Variants in NSD2 observed in about 807,000 individuals in gnomAD.
The protein encoded by NSD2 is nuclear receptor binding SET domain protein 2.
NSD2 carries 12 observed loss-of-function variants against 139.0 expected under a neutral mutation model. The ratio of observed to expected loss-of-function variants is 0.09; its 90% confidence interval spans 0.06 to 0.14. NSD2 has a LOEUF of 0.14. Among genes scored for constraint, NSD2 ranks in the 10% least tolerant of loss-of-function variants. The pLI, the probability that NSD2 is intolerant of heterozygous loss-of-function variation, is 1.00. For missense variants in NSD2, 1,155 were observed against 1,745.0 expected (o/e 0.66, Z 6.02); for synonymous variants, 669 against 648.7 (o/e 1.03, Z -0.48).
At chr4:1,954,237 A>T (rs1724582940) in intron 12 of NSD2, among the ~76,000 whole-genome samples, 1 of 152,052 alleles carries the variant, frequency 6.6e-6, no homozygotes. Context: ...CACCCGCCTC[A>T]GCCTCCCAAA....
At chr4:1,928,291 G>C (rs922607495) in intron 5 of NSD2, among the ~76,000 whole-genome samples, 2 of 152,104 alleles carry the variant, frequency 1.3e-5, no homozygotes, top group Admixed American at 6.6e-5. Flanking sequence ...TTGTACAAAA[G>C]TATATCTAGT....
At chr4:1,912,792 C>G (rs538930147) in intron 3 of NSD2, among the ~76,000 whole-genome samples, 24 of 152,090 alleles carry the variant, frequency 1.6e-4, no homozygotes, top group African/African-American at 5.8e-4. Flanking sequence ...CTTCCTTTTT[C>G]CTGCTTGATT....
intron 9 of NSD2, among the ~76,000 whole-genome samples, chr4:1,949,461 C>G (rs1723981439): frequency 1.3e-5 from 2 of 152,178 alleles, no homozygotes; most frequent in South Asian, 4.1e-4. Context: ...CGACGGAAGC[C>G]CTTGGAAAAA....
chr4:1,946,817 C>T, intron 9 of NSD2: 2 of 1,055,544 alleles, frequency 1.9e-6, no homozygotes, highest in South Asian at 4.6e-5. Flanking sequence ...ATTCTTACAG[C>T]AGGGTGTCTC....
In NSD2 at chr4:1,923,367, C is replaced by A. The variant is rs150746461; in HGVS notation, c.1410+4744C>A. ...TTATGTGTCAAGGACACCATCGACA[C>A]AGTGAAAGGACAAATTCTGTAAAGA... On this transcript the variant is annotated intron_variant, in intron 5 of 21. Transcript: ENST00000508803. Among the ~76,000 whole-genome samples, 143 of 149,716 alleles carry A rather than the reference C, an allele frequency of 9.6e-4. 1 individual carries two copies. Among genetic ancestry groups the A allele is most frequent in the Admixed American group, 8.9e-3 (133 of 15,008 alleles).
chr4:1,959,650 G>A lies in NSD2; in HGVS notation c.3165G>A (p.Gln1055=), dbSNP rs1208489609. Residue 1055 remains glutamine, a synonymous_variant, in exon 17 of 22, where the codon CAG becomes CAA. Transcript: ENST00000508803. The part of the protein sequence containing the change: ...VCPAGEFCQN[Q]CFTKRQYPET... ...CCGCGGGCGAGTTCTGCCAGAACCAGTGCTTCACCAAGCGCCAGTACCCAG... is the reference window on the plus strand; with the variant it reads ...CCGCGGGCGAGTTCTGCCAGAACCAATGCTTCACCAAGCGCCAGTACCCAG... 1 of 1,614,168 alleles carries A rather than the reference G, an allele frequency of 6.2e-7. No homozygotes were observed. The highest frequency in any genetic ancestry group is 1.7e-5 in the Admixed American group (1 of 60,026).
At chr4:1,964,627 GCTGCGCTGCCGTTGTTATCA>G (rs1560783066) in intron 18 of NSD2, among the ~76,000 whole-genome samples, 1 of 150,768 alleles carries the variant, frequency 6.6e-6, no homozygotes, top group Non-Finnish European at 1.5e-5. Context: ...AAAGAGGTGC[GCTGCGCTGCCGTTGTTATCA>G]CACCTCCCTC....
chr4:1,902,812 T>G (rs1432154564), intron 2 of NSD2, among the ~76,000 whole-genome samples: 2 of 152,226 alleles, frequency 1.3e-5, no homozygotes, highest in Non-Finnish European at 2.9e-5. Context: ...GAATTTTGAC[T>G]CTTCCTCTGG....
chr4:1,925,616 C>G (rs1720793338), intron 5 of NSD2, among the ~76,000 whole-genome samples: 1 of 151,386 alleles, frequency 6.6e-6, no homozygotes, highest in Admixed American at 6.6e-5. Context: ...CCAGGCTGGT[C>G]TTGAACTCCT....
At position 1,918,247 on chromosome 4, in the gene NSD2, C is replaced by T. The variant is rs1422010407; in HGVS notation, c.1034C>T (p.Thr345Ile). 3 of 1,613,740 alleles carry T rather than the reference C, an allele frequency of 1.9e-6. No individual in the cohort carries two copies. Among genetic ancestry groups the T allele is most frequent in the African/African-American group, 2.7e-5 (2 of 74,842 alleles). Residue 345 changes from threonine to isoleucine, a missense_variant, in exon 5 of 22, where the codon ACC becomes ATC. This residue lies in a region of NSD2 where 420 missense variants were observed against 469.0 expected (regional missense o/e 0.90). Coordinates refer to ENST00000508803, the MANE Select transcript of NSD2 (RefSeq NM_001042424.3). ...MSVEERKAKF[T>I]FLYVGDQLHL... Reference sequence around the variant, plus strand: ...GTGGAGGAGCGGAAAGCCAAGTTCACCTTTCTCTATGTGGGGGACCAGCTT... The same window carrying T: ...GTGGAGGAGCGGAAAGCCAAGTTCATCTTTCTCTATGTGGGGGACCAGCTT...
At chr4:1,944,997 G>A in intron 9 of NSD2, 1 of 1,064,932 alleles carries the variant, frequency 9.4e-7, no homozygotes, top group Non-Finnish European at 1.1e-6. Context: ...AACCTTTCAT[G>A]TCGTGAAAGG....
In NSD2 at chr4:1,975,428, C is replaced by T. The variant is rs1440536612; in HGVS notation, c.3621+28C>T. On this transcript the variant is annotated intron_variant, in intron 20 of 21. Transcript: ENST00000508803. ...AAGGCTGTGGCGCCCTCCTTCCCCCCAGGCTCTGTGTTGGCATTTTGCACT... is the reference window on the plus strand; with the variant it reads ...AAGGCTGTGGCGCCCTCCTTCCCCCTAGGCTCTGTGTTGGCATTTTGCACT... The T allele has an allele frequency of 3.1e-6, 5 of 1,604,272 alleles. No individual in the cohort carries two copies. The African/African-American group carries it at 4.0e-5, about 13-fold the overall frequency.
At chr4:1,931,998 A>G (rs1416121774) in intron 6 of NSD2, among the ~76,000 whole-genome samples, 1 of 152,182 alleles carries the variant, frequency 6.6e-6, no homozygotes, top group Non-Finnish European at 1.5e-5. Context: ...GATAGAAGTG[A>G]CAGTTGAGTT....
intron 1 of NSD2, among the ~76,000 whole-genome samples, chr4:1,888,343 G>A (rs916470482): frequency 6.7e-6 from 1 of 149,160 alleles, no homozygotes; most frequent in East Asian, 2.0e-4. Flanking sequence ...AACCTGGGAG[G>A]CAGAGGTTGC....
chr4:1,978,796 G>A lies in NSD2; in HGVS notation c.3985G>A (p.Gly1329Arg). 2 of 1,612,946 alleles carry A rather than the reference G, an allele frequency of 1.2e-6. No homozygotes were observed. The highest frequency in any genetic ancestry group is 1.7e-6 in the Non-Finnish European group (2 of 1,179,132). ...GRSYCCEHDL[G>R]AASVRSTKTE... ...GTCCTACTGCTGTGAGCATGACTTA[G>A]GGGCGGCATCGGTCAGAAGCACCAA... The change falls in exon 22 of 22, where the codon GGG (glycine) becomes AGG (arginine). Residue 1329 changes from glycine to arginine, a missense_variant. By Grantham distance (125) the Gly-to-Arg change is moderately radical. Transcript: ENST00000508803.
At chr4:1,873,507 A>T (rs910980733) in intron 1 of NSD2, among the ~76,000 whole-genome samples, 15 of 152,208 alleles carry the variant, frequency 9.9e-5, no homozygotes, top group Admixed American at 3.3e-4. Context: ...TACTTGCTGA[A>T]GTGTGCGGAC....
intron 1 of NSD2, among the ~76,000 whole-genome samples, chr4:1,897,263 C>T (rs1326452997): frequency 6.6e-6 from 1 of 151,884 alleles, no homozygotes; most frequent in African/African-American, 2.4e-5. Flanking sequence ...GGGAAGATCC[C>T]TTGAGCCCAG....
At chr4:1,919,457 A>G (rs1412038729) in intron 5 of NSD2, among the ~76,000 whole-genome samples, 1 of 152,244 alleles carries the variant, frequency 6.6e-6, no homozygotes, top group South Asian at 2.1e-4. Context: ...CTGTTAGTAC[A>G]TAATAAAGGC....
In NSD2 at chr4:1,980,916, C is replaced by CT. The variant is rs1727696748; in HGVS notation, c.*2008dup. The CT allele has an allele frequency of 4.3e-6, 1 of 233,266 alleles. No homozygotes were observed. Among genetic ancestry groups the CT allele is most frequent in the East Asian group, 6.0e-5 (1 of 16,588 alleles). The allele number at this position is 233,266 out of a possible 1,614,324, so 14.4% of individuals were successfully genotyped here. A position where few individuals can be genotyped will look rare whatever the true frequency, so the allele number is the denominator to read the frequency against. The stretch of plus-strand genomic sequence containing the variant: ...TGATGCCCTAACTTGGAAGGTTGTT[C>CT]TAGGGACAGGCCGGGCAGTGTCCCC... On this transcript the variant is annotated 3_prime_UTR_variant, in exon 22 of 22. Coordinates refer to ENST00000508803, the MANE Select transcript of NSD2 (RefSeq NM_001042424.3).
Sources: allele counts gnomAD v4.1 joint callset (sites outside exome capture counted in the v4.1 genomes callset), GRCh38; gene constraint gnomAD v4.1.1; regional missense constraint gnomAD v4.1.1; transcripts MANE v1.5; gene names NCBI Gene and HGNC (gene_info 2026-07-23, HGNC 2026-07-21).